Variants in TSC2 observed in about 807,000 individuals in gnomAD.
The protein encoded by TSC2 is TSC complex subunit 2, also known as tuberin.
A neutral mutation model predicts 202.2 loss-of-function variants in TSC2; 29 were observed. The ratio of observed to expected loss-of-function variants is 0.14; its 90% CI spans 0.11 to 0.20. The LOEUF (loss-of-function observed/expected upper bound fraction) is 0.20, where lower values mean the gene tolerates loss of function less well. Ranked by LOEUF, TSC2 falls within the 10% of genes least tolerant of loss-of-function variation. The probability of loss-of-function intolerance (pLI) is 1.00; values close to 1 mark genes in which losing one functional copy is unlikely to be tolerated. For missense variants in TSC2, 2,429 were observed against 2,420.0 expected, an observed-to-expected ratio of 1.00 and a Z score of -0.08; for synonymous variants, 1,349 against 1,044.0, an observed-to-expected ratio of 1.29 and a Z score of -5.63.
intron 30 of TSC2, 194 bp from the exon 31 acceptor site, chr16:2,081,401 C>G: frequency 1.4e-6 from 1 of 720,062 alleles, no homozygotes; most frequent in Non-Finnish European, 2.4e-6. Context: ...GGAGCCTGGC[C>G]TCGAGGCAGG....
intron 21 of TSC2, 27 bp from the exon 22 acceptor site, chr16:2,074,173 G>A: frequency 6.2e-7 from 1 of 1,609,742 alleles, no homozygotes; most frequent in Non-Finnish European, 8.5e-7. Flanking sequence ...CAAGCGGGTG[G>A]GGCCTGAGGT....
intron 32 of TSC2, chr16:2,083,263 C>A: frequency 4.3e-6 from 2 of 462,434 alleles, no homozygotes; most frequent in Non-Finnish European, 8.7e-6. Context: ...GGGTGAGCCT[C>A]TGCTCTTGGG....
At chr16:2,057,040 A>C in intron 8 of TSC2, 65 bp from the exon 9 acceptor site, 1 of 1,540,552 alleles carries the variant, frequency 6.5e-7, no homozygotes. Flanking sequence ...CGGGGCCAGC[A>C]GCGGGACTGG....
intron 14 of TSC2, chr16:2,063,499 C>T (rs1416005292): frequency 3.5e-6 from 1 of 287,928 alleles, no homozygotes. Flanking sequence ...TCTGTGGCCC[C>T]AGGCCCACCT....
chr16:2,062,422 C>G (rs1567430156), intron 12 of TSC2, 75 bp from the exon 13 acceptor site: 3 of 1,434,972 alleles, frequency 2.1e-6, no homozygotes, highest in East Asian at 2.5e-5. Flanking sequence ...AAACCAGCCT[C>G]TCGACCAGCA....
chr16:2,088,910 T>C lies in TSC2; in HGVS notation c.*300T>C. 2.5e-6 allele frequency: 1 copy of C among 400,372 alleles called. No individual in the cohort carries two copies. Among genetic ancestry groups the C allele is most frequent in the Non-Finnish European group, 4.6e-6 (1 of 217,642 alleles). 24.8% of individuals were successfully genotyped at this position (400,372 alleles called of 1,614,324 possible). A position where few individuals can be genotyped will look rare whatever the true frequency, so the allele number is the denominator to read the frequency against. ...ACACACACACACACAGTCACCTTCCTCCACCCTGGGAGCCAGCCCCCAGGA... is the reference window on the plus strand; with the variant it reads ...ACACACACACACACAGTCACCTTCCCCCACCCTGGGAGCCAGCCCCCAGGA... On this transcript the variant is annotated 3_prime_UTR_variant, in exon 42 of 42. Coordinates refer to ENST00000219476, the MANE Select transcript of TSC2 (RefSeq NM_000548.5).
rs563094714 is a variant in TSC2 at position 2,050,385 on chromosome 16, T to A, written c.139-15T>A. The A allele has an allele frequency of 1.2e-6, 2 of 1,613,516 alleles. No homozygotes were observed. The highest frequency in any genetic ancestry group is 2.7e-5 in the African/African-American group (2 of 74,896). On this transcript the variant is annotated splice_polypyrimidine_tract_variant and intron_variant, in intron 2 of 41. Coordinates refer to ENST00000219476, the MANE Select transcript of TSC2 (RefSeq NM_000548.5). ...CTGAGCACTGGCCCCTTTTTCTTCTTTCATCTCTCTCCAGGAACTGAGCAT... is the reference window on the plus strand; with the variant it reads ...CTGAGCACTGGCCCCTTTTTCTTCTATCATCTCTCTCCAGGAACTGAGCAT...
chr16:2,047,998 TCCCGGGGCCAGGGGGGTGCG>T lies in TSC2; in HGVS notation c.-94_-75del. The T allele has an allele frequency of 6.6e-7, 1 of 1,507,766 alleles. No individual in the cohort carries two copies. The highest frequency in any genetic ancestry group is 1.2e-5 in the South Asian group (1 of 80,612). The allele number at this position is 1,507,766 out of a possible 1,614,324, so 93.4% of individuals were successfully genotyped here. A position where few individuals can be genotyped will look rare whatever the true frequency, so the allele number is the denominator to read the frequency against. On this transcript the variant is annotated 5_prime_UTR_variant, in exon 1 of 42. Transcript: ENST00000219476. ...AGTGCGGGTCGCGCTTCCGGCGGCGTCCCGGGGCCAGGGGGGTGCGCCTTTCTCCGCGTCGGGGCGGCCCG... is the reference window on the plus strand; with the variant it reads ...AGTGCGGGTCGCGCTTCCGGCGGCGTCCTTTCTCCGCGTCGGGGCGGCCCG...
At position 2,058,805 on chromosome 16, in the gene TSC2, C is replaced by G. The variant is rs1060500943; in HGVS notation, c.907C>G (p.Leu303Val). 3.1e-6 allele frequency: 5 copies of G among 1,599,726 alleles called. No homozygotes were observed. The highest frequency in any genetic ancestry group is 4.3e-6 in the Non-Finnish European group (5 of 1,172,996). ...AGCCGTGTTTTTTGTGGGCATGGCTCTCTGGGGAGCCCACCGGCTCTATTC... is the reference window on the plus strand; with the variant it reads ...AGCCGTGTTTTTTGTGGGCATGGCTGTCTGGGGAGCCCACCGGCTCTATTC... ...RGAVFFVGMA[L>V]WGAHRLYSLR... Residue 303 changes from leucine to valine, a missense_variant, in exon 10 of 42, where the codon CTC becomes GTC. By Grantham distance (32) the Leu-to-Val change is conservative. Coordinates refer to ENST00000219476, the MANE Select transcript of TSC2 (RefSeq NM_000548.5).
At chr16:2,056,061 C>T in intron 6 of TSC2, 135 bp from the exon 7 acceptor site, 1 of 1,103,604 alleles carries the variant, frequency 9.1e-7, no homozygotes, top group Non-Finnish European at 1.3e-6. Flanking sequence ...CACCTGAGTG[C>T]TTGTTGGGTG....
At chr16:2,075,018 C>G (rs953177030) in intron 22 of TSC2, 6 of 159,270 alleles carry the variant, frequency 3.8e-5, no homozygotes, top group Non-Finnish European at 5.5e-5. Context: ...GAGTTCGAGA[C>G]CAGCCTGGCC....
At position 2,084,963 on chromosome 16, in the gene TSC2, G is replaced by A. The variant is rs1555514870; in HGVS notation, c.4506G>A (p.Leu1502=). The change falls in exon 35 of 42, where the codon CTG becomes CTA. Residue 1502 remains leucine, a synonymous_variant. Transcript: ENST00000219476. The stretch of plus-strand genomic sequence containing the variant: ...CCTCCCTGTGCAGTTTCGTGTTCCT[G>A]CAGCTCTACCATTCCCCCTTCTTTG... ...VPGINPSFVF[L]QLYHSPFFGD... is the part of the protein sequence containing the mutation. 2 of 1,613,336 alleles carry A rather than the reference G, an allele frequency of 1.2e-6. No individual in the cohort carries two copies. Among genetic ancestry groups the A allele is most frequent in the Non-Finnish European group, 1.7e-6 (2 of 1,179,988 alleles).
chr16:2,055,334 C>CGGGGG, intron 5 of TSC2, 68 bp from the exon 6 acceptor site: 1 of 1,216,400 alleles, frequency 8.2e-7, no homozygotes, highest in Non-Finnish European at 1.2e-6. Flanking sequence ...TGTCCTGCGG[C>CGGGGG]GGGAGGGGGA....
intron 6 of TSC2, 161 bp downstream of exon 6, chr16:2,055,680 C>T: frequency 1.4e-6 from 1 of 707,344 alleles, no homozygotes; most frequent in Non-Finnish European, 2.5e-6. Flanking sequence ...ATCACGAGGT[C>T]AGGAGTTCGA....
intron 3 of TSC2, 111 bp downstream of exon 3, chr16:2,050,597 ACT>A: frequency 1.1e-5 from 8 of 703,264 alleles, no homozygotes; most frequent in Non-Finnish European, 1.8e-5. Context: ...TCTGGTTTGC[ACT>A]TTTTTTTTTT....
chr16:2,082,022 C>T (rs1273915298), intron 31 of TSC2: 9 of 666,746 alleles, frequency 1.3e-5, no homozygotes, highest in Non-Finnish European at 2.4e-5. Flanking sequence ...GCAGTAGGGG[C>T]CCTGTGGAGC....
At chr16:2,071,642 A>C (rs1387871860) in intron 18 of TSC2, 26 bp downstream of exon 18, 1 of 1,612,150 alleles carries the variant, frequency 6.2e-7, no homozygotes, top group Non-Finnish European at 8.5e-7. Flanking sequence ...CCCACGGCCC[A>C]TGAGGCTCAG....
At chr16:2,053,879 C>A (rs758873164) in intron 4 of TSC2, 4 of 467,470 alleles carry the variant, frequency 8.6e-6, no homozygotes, top group East Asian at 5.5e-5. Context: ...CTCCCCTGGT[C>A]GGCCACTTCT....
At chr16:2,063,180 C>T in intron 14 of TSC2, 127 bp downstream of exon 14, 1 of 1,164,882 alleles carries the variant, frequency 8.6e-7, no homozygotes, top group East Asian at 2.6e-5. Flanking sequence ...GGACCCTCTG[C>T]AGCCCCCAGC....
Sources: allele counts gnomAD v4.1 joint callset, GRCh38; gene constraint gnomAD v4.1.1; transcripts MANE v1.5; gene names NCBI Gene and HGNC (gene_info 2026-07-23, HGNC 2026-07-21).